The following PHC2 variants were observed in gnomAD, a reference collection of about 807,000 sequenced individuals.
PHC2 encodes polyhomeotic-like protein 2.
A neutral mutation model predicts 87.4 loss-of-function variants in PHC2; 29 were observed. That is an observed-to-expected ratio of 0.33 (90% CI 0.25 to 0.45). The LOEUF is 0.45. Ranked by LOEUF, PHC2 falls within the 20% of genes least tolerant of loss-of-function variation. The pLI, the probability that PHC2 is intolerant of heterozygous loss-of-function variation, is 1.00. For synonymous variants in PHC2, 438 were observed against 461.7 expected (o/e 0.95, Z 0.66); for missense variants, 857 against 1,136.7 (o/e 0.75, Z 3.54).
At chr1:33,329,983 A>T in intron 13 of PHC2, 88 bp downstream of exon 13, 2 of 1,458,836 alleles carry the variant, frequency 1.4e-6, no homozygotes, top group South Asian at 2.4e-5. Flanking sequence ...TGAAGTCGGC[A>T]GCTGGAGGGG....
rs145116008 is a variant in PHC2 at position 33,424,159 on chromosome 1, A to G, written c.-55+6817T>C. ...AAAAGAAAGTGCTGAATATTTGTTG[A>G]GTAAATTAATACTATTATAGAGATT... On this transcript the variant is annotated intron_variant, in intron 1 of 14. Coordinates refer to ENST00000683057, the MANE Select transcript of PHC2 (RefSeq NM_001385109.1). Among the ~76,000 whole-genome samples the G allele has an allele frequency of 1.1e-3, 161 of 152,236 alleles. 4 individuals are homozygous for G. In the East Asian group the frequency reaches 0.023, roughly 22 times the overall value.
rs529786161 is a variant in PHC2 at position 33,378,240 on chromosome 1, G to C, written c.-54-2647C>G. Among the ~76,000 whole-genome samples the C allele has an allele frequency of 1.6e-4, 25 of 152,266 alleles. 1 individual carries two copies. The South Asian group carries it at 2.1e-3, about 13-fold the overall frequency. Reference sequence around the variant, plus strand: ...TCCACTTTATCTTATGTTCTAGGGAGGGAAAATTAGGCTGCATAAAAAGTG... The same window carrying C: ...TCCACTTTATCTTATGTTCTAGGGACGGAAAATTAGGCTGCATAAAAAGTG... On this transcript the variant is annotated intron_variant, in intron 1 of 14. Coordinates refer to ENST00000683057, the MANE Select transcript of PHC2 (RefSeq NM_001385109.1).
intron 9 of PHC2, chr1:33,345,405 G>C (rs1044161268): frequency 7.3e-6 from 2 of 272,664 alleles, no homozygotes; most frequent in East Asian, 1.8e-4. Flanking sequence ...TAGAAAGAAT[G>C]TTCTCTTCTT....
At chr1:33,403,273 C>A (rs928689392) in intron 1 of PHC2, among the ~76,000 whole-genome samples, 1 of 151,560 alleles carries the variant, frequency 6.6e-6, no homozygotes, top group East Asian at 1.9e-4. Context: ...ACTACAGCTA[C>A]CCACCACCAC....
At position 33,375,236 on chromosome 1, in the gene PHC2, C is replaced by T. The variant is rs1053991282; in HGVS notation, c.174+130G>A. ...GTAACTATACACAAATGTGTATCTA[C>T]GAACTCACTCCCATATGCCCGTTCT... is the stretch of plus-strand genomic sequence containing the variant. On this transcript the variant is annotated intron_variant, in intron 2 of 14. Coordinates refer to ENST00000683057, the MANE Select transcript of PHC2 (RefSeq NM_001385109.1). 6.3e-5 allele frequency: 45 copies of T among 710,942 alleles called. 2 individuals are homozygous for T. In the South Asian group the frequency reaches 1.2e-3, roughly 20 times the overall value. 44.0% of individuals were successfully genotyped at this position (710,942 alleles called of 1,614,324 possible).
At chr1:33,402,659 T>C (rs1401780783) in intron 1 of PHC2, among the ~76,000 whole-genome samples, 1 of 151,916 alleles carries the variant, frequency 6.6e-6, no homozygotes, top group Non-Finnish European at 1.5e-5. Flanking sequence ...CAGACAAATC[T>C]CAAAAAGATA....
At chr1:33,346,589 A>G (rs1570466696) in intron 9 of PHC2, 1 of 985,234 alleles carries the variant, frequency 1.0e-6, no homozygotes, top group African/African-American at 1.7e-5. Context: ...AACTCTTGGT[A>G]AACACCGTAC....
intron 14 of PHC2, among the ~76,000 whole-genome samples, chr1:33,328,152 T>C (rs1166158398): frequency 1.3e-5 from 2 of 152,152 alleles, no homozygotes; most frequent in African/African-American, 4.8e-5. Flanking sequence ...CAGGCCCCAC[T>C]GAAGGCATCT....
intron 1 of PHC2, among the ~76,000 whole-genome samples, chr1:33,401,958 C>T (rs1463822533): frequency 6.6e-6 from 1 of 151,926 alleles, no homozygotes; most frequent in Non-Finnish European, 1.5e-5. Context: ...ATATTTTAAA[C>T]AAGAAAAGAC....
chr1:33,405,742 T>G (rs1649735955), intron 1 of PHC2, among the ~76,000 whole-genome samples: 1 of 152,244 alleles, frequency 6.6e-6, no homozygotes, highest in African/African-American at 2.4e-5. Flanking sequence ...GAATATTTTC[T>G]AATTTCCACT....
At chr1:33,422,804 G>C (rs943361696) in intron 1 of PHC2, among the ~76,000 whole-genome samples, 1 of 151,914 alleles carries the variant, frequency 6.6e-6, no homozygotes, top group Non-Finnish European at 1.5e-5. Context: ...TTAAGAATGA[G>C]AATAGTCTGA....
At chr1:33,385,077 A>G (rs1245828931) in intron 1 of PHC2, among the ~76,000 whole-genome samples, 1 of 152,156 alleles carries the variant, frequency 6.6e-6, no homozygotes, top group African/African-American at 2.4e-5. Context: ...GGACATGTAA[A>G]TTTTGATTTG....
At chr1:33,355,952 A>C (rs893617190) in intron 7 of PHC2, among the ~76,000 whole-genome samples, 3 of 152,252 alleles carry the variant, frequency 2.0e-5, no homozygotes, top group African/African-American at 7.2e-5. Context: ...TGCACAGCAC[A>C]GTGCCTGGCA....
intron 14 of PHC2, among the ~76,000 whole-genome samples, chr1:33,327,567 T>C (rs902451408): frequency 4.6e-4 from 70 of 152,204 alleles, no homozygotes; most frequent in African/African-American, 1.6e-3. Context: ...CCATAAGATA[T>C]TGTGAAAAAT....
chr1:33,390,773 C>T (rs907072798), intron 1 of PHC2, among the ~76,000 whole-genome samples: 1 of 150,776 alleles, frequency 6.6e-6, no homozygotes, highest in Non-Finnish European at 1.5e-5. Context: ...CATTCTTCTT[C>T]GGTTCCTCAC....
At chr1:33,366,486 A>G (rs1647458789) in intron 7 of PHC2, among the ~76,000 whole-genome samples, 1 of 152,200 alleles carries the variant, frequency 6.6e-6, no homozygotes, top group Non-Finnish European at 1.5e-5. Context: ...TACCCTCACT[A>G]GCAAGCCTTT....
At chr1:33,425,165 A>G (rs1362274976) in intron 1 of PHC2, among the ~76,000 whole-genome samples, 7 of 152,214 alleles carry the variant, frequency 4.6e-5, no homozygotes, top group Admixed American at 6.5e-5. Flanking sequence ...ATAATTTCCT[A>G]TAAGGGCCAG....
At chr1:33,393,463 G>GTTTTTTTTTTTTT (rs36030279) in intron 1 of PHC2, among the ~76,000 whole-genome samples, 2 of 131,046 alleles carry the variant, frequency 1.5e-5, no homozygotes, top group Non-Finnish European at 3.1e-5. Context: ...TTTTCAAGAG[G>GTTTTTTTTTTTTT]TTTTTTTTTT....
In PHC2 at chr1:33,349,783, CG is replaced by C. The variant is rs1361820469; in HGVS notation, c.1558+4617del. 1 of 978,906 alleles carries C rather than the reference CG, an allele frequency of 1.0e-6. No individual in the cohort carries two copies. The highest frequency in any genetic ancestry group is 1.2e-6 in the Non-Finnish European group (1 of 827,062). 60.6% of individuals were successfully genotyped at this position (978,906 alleles called of 1,614,324 possible). ...CTGGCCGGCGTCAACAAAGGGCGGCCGGGGCGCGAGGCCGGGACGGGGGCGC... is the reference window on the plus strand; with the variant it reads ...CTGGCCGGCGTCAACAAAGGGCGGCCGGGCGCGAGGCCGGGACGGGGGCGC... On this transcript the variant is annotated intron_variant, in intron 9 of 14. Coordinates refer to ENST00000683057, the MANE Select transcript of PHC2 (RefSeq NM_001385109.1). The surrounding 1 kb of genome is among the most constrained non-coding windows in gnomAD (Gnocchi z 4.2).
Sources: gnomAD v4.1 joint callset for allele counts (sites outside exome capture counted in the v4.1 genomes callset) on GRCh38, gnomAD v4.1.1 for gene constraint, Gnocchi (gnomAD v3.1) non-coding constraint, MANE v1.5 for transcripts, NCBI Gene and HGNC (gene_info 2026-07-23, HGNC 2026-07-21) for gene names.